Variants in MYO3A observed in about 807,000 individuals in gnomAD.
MYO3A encodes the protein myosin IIIA, also known as myosin-IIIa.
Under a neutral mutation model 192.7 loss-of-function variants are expected in MYO3A, and 180 were observed. The ratio of observed to expected loss-of-function variants is 0.93; its 90% CI spans 0.83 to 1.06. The LOEUF (loss-of-function observed/expected upper bound fraction) is 1.06, where lower values mean the gene tolerates loss of function less well. Among genes scored for constraint, MYO3A ranks in the 50% least tolerant of loss-of-function variants. MYO3A has a pLI of 0.00. For synonymous variants in MYO3A, 628 were observed against 645.3 expected, an observed-to-expected ratio of 0.97 and a Z score of 0.41; for missense variants, 1,896 against 1,905.0, an observed-to-expected ratio of 1.00 and a Z score of 0.09.
chr10:26,030,520 A>C (rs1037951062), intron 10 of MYO3A, among the ~76,000 whole-genome samples: 1 of 152,174 alleles, frequency 6.6e-6, no homozygotes, highest in East Asian at 1.9e-4. Context: ...CAGGCAAAAG[A>C]AAACAGGCTT....
Position 26,149,695 on chromosome 10 carries a change from A to G in MYO3A, c.2635+2136A>G, listed in dbSNP as rs72787360. On this transcript the variant is annotated intron_variant, in intron 23 of 34. Transcript: ENST00000642920. The stretch of plus-strand genomic sequence containing the variant: ...ACATTTGGAAATATACGTACATTGT[A>G]GAATAATGAAATCCAGCTAATTAAC... 7.8e-3 allele frequency among the ~76,000 whole-genome samples: 1,195 copies of G among 152,328 alleles called. 6 individuals carry two copies. The highest frequency in any genetic ancestry group is 0.011 in the Non-Finnish European group (740 of 68,034).
chr10:26,151,647 T>C (rs1240686142), intron 23 of MYO3A, among the ~76,000 whole-genome samples: 1 of 152,238 alleles, frequency 6.6e-6, no homozygotes, highest in East Asian at 1.9e-4. Context: ...TCAATTGAGA[T>C]GATTAGATGA....
intron 23 of MYO3A, among the ~76,000 whole-genome samples, chr10:26,153,143 C>A (rs1840901926): frequency 6.6e-6 from 1 of 152,174 alleles, no homozygotes; most frequent in Admixed American, 6.5e-5. Flanking sequence ...AAGTGAACTG[C>A]ATTTCAGGGG....
At chr10:26,148,181 C>T (rs760924291) in intron 23 of MYO3A, among the ~76,000 whole-genome samples, 24 of 152,196 alleles carry the variant, frequency 1.6e-4, no homozygotes, top group Non-Finnish European at 1.8e-4. Context: ...ACATACTCAT[C>T]ACTCACAAAT....
At chr10:26,052,691 G>T (rs1051580143) in intron 10 of MYO3A, among the ~76,000 whole-genome samples, 3 of 152,162 alleles carry the variant, frequency 2.0e-5, no homozygotes, top group Admixed American at 6.5e-5. Context: ...TACCCCAGTG[G>T]CTCCTTAATC....
chr10:25,991,080 A>T (rs534672075), intron 4 of MYO3A, among the ~76,000 whole-genome samples: 107 of 152,274 alleles, frequency 7.0e-4, no homozygotes, highest in Non-Finnish European at 1.2e-3. Context: ...TCCCTGAGGA[A>T]TCACCACACT....
intron 4 of MYO3A, among the ~76,000 whole-genome samples, chr10:25,991,057 T>A (rs1378916316): frequency 2.6e-5 from 4 of 152,214 alleles, no homozygotes; most frequent in Admixed American, 6.5e-5. Context: ...CAAATGGTAT[T>A]TCTAGTTCTA....
chr10:26,060,028 C>T (rs1003358830), intron 10 of MYO3A, among the ~76,000 whole-genome samples: 11 of 152,104 alleles, frequency 7.2e-5, no homozygotes, highest in Admixed American at 2.0e-4. Flanking sequence ...GAGGCCAAGG[C>T]GGGCGGATCA....
intron 11 of MYO3A, among the ~76,000 whole-genome samples, chr10:26,067,492 GTCC>G (rs919340873): frequency 6.6e-6 from 1 of 152,116 alleles, no homozygotes; most frequent in Non-Finnish European, 1.5e-5. Flanking sequence ...CTCCCGCTTT[GTCC>G]TCTCCTGTTT....
intron 10 of MYO3A, among the ~76,000 whole-genome samples, chr10:26,029,829 G>A (rs1220422657): frequency 6.6e-6 from 1 of 152,052 alleles, no homozygotes; most frequent in African/African-American, 2.4e-5. Flanking sequence ...CCTTAGTCTA[G>A]GGTTCAGAAT....
intron 4 of MYO3A, among the ~76,000 whole-genome samples, chr10:25,961,597 T>C (rs534166033): frequency 1.2e-3 from 179 of 152,184 alleles, no homozygotes; most frequent in African/African-American, 4.0e-3. Flanking sequence ...AATAAAATGG[T>C]ATTTCCAAAA....
intron 17 of MYO3A, among the ~76,000 whole-genome samples, chr10:26,107,897 T>A (rs1175515841): frequency 6.6e-6 from 1 of 152,150 alleles, no homozygotes; most frequent in East Asian, 1.9e-4. Flanking sequence ...TGGTTTTAAT[T>A]TGATTTTTAT....
intron 17 of MYO3A, among the ~76,000 whole-genome samples, chr10:26,110,209 G>A (rs1016458650): frequency 6.6e-6 from 1 of 152,146 alleles, no homozygotes; most frequent in Non-Finnish European, 1.5e-5. Context: ...TGGAACTTTG[G>A]ATTGACAAGT....
At chr10:26,149,866 C>T (rs1840698481) in intron 23 of MYO3A, among the ~76,000 whole-genome samples, 1 of 152,174 alleles carries the variant, frequency 6.6e-6, no homozygotes, top group Non-Finnish European at 1.5e-5. Flanking sequence ...CAACCTACCT[C>T]TTCTCACTGC....
At chr10:25,995,444 A>G (rs9804320) in intron 4 of MYO3A, among the ~76,000 whole-genome samples, 110,725 of 152,068 alleles carry the variant, frequency 0.73, 40,786 homozygotes, top group African/African-American at 0.82. Flanking sequence ...TTTGCGATGG[A>G]TTCGAACTTC....
chr10:25,962,511 A>G (rs1267983447), intron 4 of MYO3A, among the ~76,000 whole-genome samples: 1 of 152,188 alleles, frequency 6.6e-6, no homozygotes, highest in African/African-American at 2.4e-5. Flanking sequence ...GGTTTTCCTA[A>G]TGATGTAGAC....
intron 18 of MYO3A, among the ~76,000 whole-genome samples, chr10:26,121,575 C>A (rs1177644378): frequency 6.6e-6 from 1 of 152,072 alleles, no homozygotes; most frequent in Non-Finnish European, 1.5e-5. Context: ...CATGGTGAAA[C>A]CCTGTCTCTA....
chr10:25,985,201 G>GCA (rs1280766336), intron 4 of MYO3A, among the ~76,000 whole-genome samples: 38 of 143,100 alleles, frequency 2.7e-4, no homozygotes, highest in African/African-American at 9.7e-4. Flanking sequence ...TCATGCCACT[G>GCA]CACTCCAGCG....
intron 6 of MYO3A, among the ~76,000 whole-genome samples, chr10:25,999,963 C>A (rs1264248385): frequency 6.6e-6 from 1 of 152,190 alleles, no homozygotes; most frequent in Non-Finnish European, 1.5e-5. Flanking sequence ...GCCCTCATCT[C>A]TTGCCTGGGC....
Sources: allele counts gnomAD v4.1 joint callset (sites outside exome capture counted in the v4.1 genomes callset), GRCh38; gene constraint gnomAD v4.1.1; transcripts MANE v1.5; gene names NCBI Gene and HGNC (gene_info 2026-07-23, HGNC 2026-07-21).